GRIA1: variants seen among roughly 807,000 people sequenced by gnomAD.
GRIA1 encodes the protein glutamate receptor 1.
A neutral mutation model predicts 99.2 loss-of-function variants in GRIA1; 31 were observed. The ratio of observed to expected loss-of-function variants is 0.31; its 90% CI spans 0.23 to 0.42. GRIA1 has a LOEUF of 0.42. Among genes scored for constraint, GRIA1 ranks in the 10% least tolerant of loss-of-function variants. The probability of loss-of-function intolerance (pLI) is 1.00; values close to 1 mark genes in which losing one functional copy is unlikely to be tolerated. For missense variants in GRIA1, 782 were observed against 1,157.5 expected, an observed-to-expected ratio of 0.68 and a Z score of 4.71; for synonymous variants, 438 against 432.4, an observed-to-expected ratio of 1.01 and a Z score of -0.16.
At chr5:153,619,037 G>C (rs1766775819) in intron 2 of GRIA1, among the ~76,000 whole-genome samples, 2 of 152,178 alleles carry the variant, frequency 1.3e-5, no homozygotes, top group African/African-American at 4.8e-5. Context: ...TCACACAACT[G>C]TCTGTCTGTG....
chr5:153,701,247 T>C (rs1389995434), intron 10 of GRIA1, among the ~76,000 whole-genome samples: 1 of 151,878 alleles, frequency 6.6e-6, no homozygotes, highest in African/African-American at 2.4e-5. Context: ...CCAGCTGGAG[T>C]TACCTATGGG....
At chr5:153,639,419 T>G (rs1266535092) in intron 2 of GRIA1, among the ~76,000 whole-genome samples, 1 of 152,224 alleles carries the variant, frequency 6.6e-6, no homozygotes, top group Non-Finnish European at 1.5e-5. Context: ...CTCAAGCTCT[T>G]CAGTCTTGTT....
At chr5:153,724,439 A>T (rs1760342365) in intron 11 of GRIA1, among the ~76,000 whole-genome samples, 1 of 152,220 alleles carries the variant, frequency 6.6e-6, no homozygotes, top group Non-Finnish European at 1.5e-5. Flanking sequence ...TCAGACGATC[A>T]AACTACTCCG....
intron 2 of GRIA1, among the ~76,000 whole-genome samples, chr5:153,600,014 G>GATA (rs773469724): frequency 7.9e-5 from 12 of 152,104 alleles, no homozygotes; most frequent in Non-Finnish European, 1.2e-4. Context: ...GGTGGACACG[G>GATA]AGGCACTGCG....
At chr5:153,509,200 A>G (rs887125436) in intron 2 of GRIA1, among the ~76,000 whole-genome samples, 1 of 152,216 alleles carries the variant, frequency 6.6e-6, no homozygotes, top group African/African-American at 2.4e-5. Flanking sequence ...GGAGGTTCCT[A>G]CAATAGTCTG....
At chr5:153,700,565 G>A (rs1336295946) in intron 10 of GRIA1, among the ~76,000 whole-genome samples, 2 of 152,142 alleles carry the variant, frequency 1.3e-5, no homozygotes, top group South Asian at 4.1e-4. Context: ...ATAGCAAGAG[G>A]AAGAGTGTGG....
In GRIA1 at chr5:153,794,718, G is replaced by C. The variant is rs139655888; in HGVS notation, c.2368G>C (p.Gly790Arg). Residue 790 changes from glycine to arginine, a missense_variant, in exon 14 of 16, where the codon GGG (glycine) becomes CGG (arginine). This residue lies in a region of GRIA1 where 119 missense variants were observed against 326.6 expected (regional missense o/e 0.36). Coordinates refer to ENST00000285900, the MANE Select transcript of GRIA1 (RefSeq NM_000827.4). ...GTACGACAAGGGCGAGTGCGGCAGC[G>C]GGGGAGGTGATTCCAAGGTCAGCCC... ...WWYDKGECGS[G>R]GGDSKDKTSA... is the part of the protein sequence containing the mutation. 3 of 1,611,656 alleles carry C rather than the reference G, an allele frequency of 1.9e-6. No homozygotes were observed. Among genetic ancestry groups the C allele is most frequent in the Non-Finnish European group, 2.5e-6 (3 of 1,177,908 alleles).
chr5:153,522,859 G>C (rs1160872658), intron 2 of GRIA1, among the ~76,000 whole-genome samples: 1 of 152,086 alleles, frequency 6.6e-6, no homozygotes, highest in East Asian at 1.9e-4. Flanking sequence ...AGGTTTTGAG[G>C]ATCAAATTAA....
chr5:153,504,557 G>T (rs1255885148), intron 2 of GRIA1, among the ~76,000 whole-genome samples: 1 of 152,056 alleles, frequency 6.6e-6, no homozygotes, highest in East Asian at 1.9e-4. Flanking sequence ...AAAGTCAGAA[G>T]AGCCACCAAT....
In GRIA1 at chr5:153,811,058, G is replaced by A. The variant is rs1335115184; in HGVS notation, c.2554G>A (p.Glu852Lys). Residue 852 changes from glutamate to lysine, a missense_variant, in exon 16 of 16, where the codon GAA (glutamate) becomes AAA (lysine). Around this residue, in one of 5 missense-constraint regions of GRIA1, gnomAD observed 76 missense variants for 81.2 expected, o/e 0.94. Coordinates refer to ENST00000285900, the MANE Select transcript of GRIA1 (RefSeq NM_000827.4). ...FCLIPQQSIN[E>K]AIRTSTLPRN... Reference sequence around the variant, plus strand: ...TTTGATCCCACAGCAATCCATCAACGAAGCCATACGGACATCGACCCTCCC... The same window carrying A: ...TTTGATCCCACAGCAATCCATCAACAAAGCCATACGGACATCGACCCTCCC... 2 of 1,614,132 alleles carry A rather than the reference G, an allele frequency of 1.2e-6. No homozygotes were observed. The highest frequency in any genetic ancestry group is 1.1e-5 in the South Asian group (1 of 91,074).
chr5:153,511,474 G>GT (rs1756068359), intron 2 of GRIA1, among the ~76,000 whole-genome samples: 1 of 152,088 alleles, frequency 6.6e-6, no homozygotes, highest in African/African-American at 2.4e-5. Flanking sequence ...ACCAGTTTTT[G>GT]TTTTTTGGGC....
At chr5:153,794,357 A>G (rs915136234) in intron 13 of GRIA1, among the ~76,000 whole-genome samples, 1 of 152,234 alleles carries the variant, frequency 6.6e-6, no homozygotes, top group Non-Finnish European at 1.5e-5. Context: ...GGGGAAAACT[A>G]TTGGGGCCAT....
chr5:153,763,749 A>C (rs1763332523), intron 11 of GRIA1, among the ~76,000 whole-genome samples: 1 of 152,368 alleles, frequency 6.6e-6, no homozygotes, highest in East Asian at 1.9e-4. Context: ...GAAAAGTTCA[A>C]AGATAAATTT....
intron 2 of GRIA1, among the ~76,000 whole-genome samples, chr5:153,529,621 G>A (rs1757917241): frequency 6.6e-6 from 1 of 152,126 alleles, no homozygotes; most frequent in Non-Finnish European, 1.5e-5. Context: ...TAAAAGTTGA[G>A]GGCAATTCAA....
chr5:153,732,350 TA>T (rs1761096577), intron 11 of GRIA1, among the ~76,000 whole-genome samples: 1 of 152,112 alleles, frequency 6.6e-6, no homozygotes, highest in Non-Finnish European at 1.5e-5. Context: ...CAACAATATA[TA>T]AAAATTCTGT....
At chr5:153,555,111 T>C (rs948954203) in intron 2 of GRIA1, among the ~76,000 whole-genome samples, 2 of 152,148 alleles carry the variant, frequency 1.3e-5, no homozygotes, top group African/African-American at 4.8e-5. Context: ...GAATTTATCA[T>C]AATGTACATG....
rs1471040305 is a variant in GRIA1 at position 153,614,525 on chromosome 5, A to G, written c.221-32403A>G. Among the ~76,000 whole-genome samples the G allele has an allele frequency of 2.0e-5, 3 of 152,206 alleles. No homozygotes were observed. In the East Asian group the frequency reaches 5.8e-4, roughly 29 times the overall value. The stretch of plus-strand genomic sequence containing the variant: ...AATAAGGAAACTGGTCAAGTCACTC[A>G]CCCAAGATTATATGGCTGGAAAGTG... On this transcript the variant is annotated intron_variant, in intron 2 of 15. Transcript: ENST00000285900.
At chr5:153,564,905 T>C (rs1482532315) in intron 2 of GRIA1, among the ~76,000 whole-genome samples, 2 of 152,224 alleles carry the variant, frequency 1.3e-5, no homozygotes, top group African/African-American at 4.8e-5. Context: ...TGATAAATTA[T>C]GCATCAGCCT....
rs1581227094 is a variant in GRIA1 at position 153,557,873 on chromosome 5, G to C, written c.220+63808G>C. Reference sequence around the variant, plus strand: ...TCACCTATAACACTGCCTTCTTCTGGAATACCTCCTGAAGGACTTGCCTGA... The same window carrying C: ...TCACCTATAACACTGCCTTCTTCTGCAATACCTCCTGAAGGACTTGCCTGA... On this transcript the variant is annotated intron_variant, in intron 2 of 15. Transcript: ENST00000285900. The C allele has an allele frequency of 2.0e-5, 3 of 152,098 alleles. No homozygotes were observed. The South Asian group carries it at 6.2e-4, about 32-fold the overall frequency. 9.4% of individuals were successfully genotyped at this position (152,098 alleles called of 1,614,324 possible).
Sources: gnomAD v4.1 joint callset for allele counts (sites outside exome capture counted in the v4.1 genomes callset) on GRCh38, gnomAD v4.1.1 for gene constraint, gnomAD v4.1.1 regional missense constraint, MANE v1.5 for transcripts, NCBI Gene and HGNC (gene_info 2026-07-23, HGNC 2026-07-21) for gene names.